Variants in NUP210L observed in about 807,000 individuals in gnomAD.
NUP210L encodes the protein nucleoporin 210 like, also known as nuclear pore membrane glycoprotein 210-like.
A neutral mutation model predicts 208.5 loss-of-function variants in NUP210L; 74 were observed. That is an observed-to-expected ratio of 0.35 (90% CI 0.29 to 0.43). The LOEUF is 0.43. NUP210L is among the 20% of genes least tolerant of loss of function. The pLI, the probability that NUP210L is intolerant of heterozygous loss-of-function variation, is 1.00. For missense variants in NUP210L, 1,843 were observed against 2,289.4 expected, an observed-to-expected ratio of 0.81 and a Z score of 3.98; for synonymous variants, 780 against 816.9, an observed-to-expected ratio of 0.95 and a Z score of 0.77.
chr1:154,051,745 G>A (rs1351220101), intron 25 of NUP210L, among the ~76,000 whole-genome samples: 1 of 152,214 alleles, frequency 6.6e-6, no homozygotes, highest in Non-Finnish European at 1.5e-5. Context: ...ACATGTATGT[G>A]TGGACACCTT....
At chr1:154,132,213 G>A (rs1658298343) in intron 7 of NUP210L, among the ~76,000 whole-genome samples, 1 of 152,066 alleles carries the variant, frequency 6.6e-6, no homozygotes, top group Admixed American at 6.6e-5. Flanking sequence ...TTTTGTCTTT[G>A]GCCAAATTCT....
chr1:154,126,050 G>A (rs1226007444), intron 10 of NUP210L, among the ~76,000 whole-genome samples: 1 of 151,076 alleles, frequency 6.6e-6, no homozygotes, highest in African/African-American at 2.4e-5. Context: ...TTACAGGCGT[G>A]AGCCACCGCG....
At chr1:153,995,589 C>A in intron 37 of NUP210L, 1 of 793,482 alleles carries the variant, frequency 1.3e-6, no homozygotes. Context: ...ATGCTGGTTA[C>A]CACTTCTTCC....
chr1:154,117,694 G>A lies in NUP210L; in HGVS notation c.1620+31C>T, dbSNP rs577773485. 1.5e-5 allele frequency: 23 copies of A among 1,564,814 alleles called. No individual in the cohort carries two copies. The Admixed American group carries it at 1.7e-4, about 12-fold the overall frequency. On this transcript the variant is annotated intron_variant, in intron 12 of 39. Transcript: ENST00000368559. ...TTAAATTTAGACAGTAGTGTTGTAG[G>A]GGTAATAAGAATATCTGGAGAGTCG...
At chr1:154,036,463 C>T (rs948657729) in intron 27 of NUP210L, among the ~76,000 whole-genome samples, 1 of 144,630 alleles carries the variant, frequency 6.9e-6, no homozygotes, top group African/African-American at 2.5e-5. Flanking sequence ...TTCCTGGATT[C>T]AAGCAAGTCT....
chr1:154,003,009 C>CT (rs34229994), intron 35 of NUP210L, among the ~76,000 whole-genome samples: 11,283 of 133,450 alleles, frequency 0.085, 627 homozygotes, highest in East Asian at 0.18. Flanking sequence ...CCTTAGCTGT[C>CT]TTTTTTTTTT....
At chr1:154,022,697 T>A (rs970766330) in intron 31 of NUP210L, among the ~76,000 whole-genome samples, 2 of 149,010 alleles carry the variant, frequency 1.3e-5, no homozygotes, top group African/African-American at 2.5e-5. Flanking sequence ...TTTTTTTTTT[T>A]AAGACAGTCT....
intron 35 of NUP210L, among the ~76,000 whole-genome samples, 179 bp downstream of exon 35, chr1:154,009,792 CA>C (rs373230285): frequency 0.066 from 4,274 of 64,508 alleles, 144 homozygotes; most frequent in African/African-American, 0.2. Flanking sequence ...GACCCAGTCT[CA>C]AAAAAAAAAA....
chr1:154,006,579 C>T (rs1183495798), intron 35 of NUP210L, among the ~76,000 whole-genome samples: 6 of 151,426 alleles, frequency 4.0e-5, no homozygotes, highest in African/African-American at 1.2e-4. Flanking sequence ...CTGCAACCTC[C>T]GCCTCCTGGG....
chr1:154,024,041 G>A (rs769021819), intron 30 of NUP210L, among the ~76,000 whole-genome samples: 23 of 152,002 alleles, frequency 1.5e-4, no homozygotes, highest in Non-Finnish European at 2.6e-4. Flanking sequence ...CACCCGGCTC[G>A]GCCTCCCAAA....
intron 16 of NUP210L, among the ~76,000 whole-genome samples, chr1:154,078,161 A>C (rs532207138): frequency 2.6e-5 from 4 of 151,346 alleles, no homozygotes; most frequent in South Asian, 4.2e-4. Context: ...AAAATTACAA[A>C]AATTAGCTAG....
At chr1:154,141,296 C>T in intron 4 of NUP210L, 135 bp downstream of exon 4, 1 of 638,832 alleles carries the variant, frequency 1.6e-6, no homozygotes, top group South Asian at 1.8e-5. Context: ...ACATTTCTCT[C>T]AGTAATTTAT....
In NUP210L at chr1:154,025,659, G is replaced by T. The variant is rs546868119; in HGVS notation, c.4005C>A (p.Val1335=). 2.5e-6 allele frequency: 4 copies of T among 1,613,942 alleles called. No individual in the cohort carries two copies. The African/African-American group carries it at 5.3e-5, about 22-fold the overall frequency. Residue 1335 remains valine (V), a synonymous_variant, in exon 30 of 40, where the codon GTC becomes GTA. Coordinates refer to ENST00000368559, the Ensembl canonical transcript of NUP210L. ...GGAGCCCTTCACCATCCTCCTCAAT[G>T]ACGGATGAATTAGGGAAACACTTGA... is the stretch of plus-strand genomic sequence containing the variant.
intron 31 of NUP210L, 70 bp downstream of exon 31, chr1:154,023,052 G>T: frequency 7.4e-7 from 1 of 1,349,918 alleles, no homozygotes; most frequent in Non-Finnish European, 1.0e-6. Flanking sequence ...TACTGGAGCT[G>T]CTATATAATA....
At chr1:154,096,358 A>T (rs1656180659) in intron 14 of NUP210L, among the ~76,000 whole-genome samples, 1 of 152,212 alleles carries the variant, frequency 6.6e-6, no homozygotes, top group Admixed American at 6.6e-5. Context: ...ATAAATATTC[A>T]CTTATGAGGA....
intron 16 of NUP210L, among the ~76,000 whole-genome samples, chr1:154,081,856 AC>A (rs1655348185): frequency 6.6e-6 from 1 of 151,994 alleles, no homozygotes; most frequent in South Asian, 2.1e-4. Flanking sequence ...AATGGCACAG[AC>A]CTGTGGTCCC....
intron 35 of NUP210L, among the ~76,000 whole-genome samples, chr1:154,004,245 A>AT (rs1409434890): frequency 6.7e-6 from 1 of 149,842 alleles, no homozygotes; most frequent in African/African-American, 2.5e-5. Context: ...ATTTTTTTGT[A>AT]TTTTTAGTAG....
intron 2 of NUP210L, among the ~76,000 whole-genome samples, chr1:154,151,008 T>C (rs1156915610): frequency 2.6e-5 from 4 of 152,074 alleles, no homozygotes; most frequent in Non-Finnish European, 2.9e-5. Flanking sequence ...ATTGGGAAAG[T>C]TGATTTAAGG....
intron 17 of NUP210L, among the ~76,000 whole-genome samples, chr1:154,070,064 T>C (rs1348862692): frequency 6.6e-6 from 1 of 151,880 alleles, no homozygotes; most frequent in Admixed American, 6.6e-5. Flanking sequence ...GGTGCGGGGA[T>C]GGGGGAGAGA....
Sources: gnomAD v4.1 joint callset for allele counts (sites outside exome capture counted in the v4.1 genomes callset) on GRCh38, gnomAD v4.1.1 for gene constraint, MANE v1.5 for transcripts, NCBI Gene and HGNC (gene_info 2026-07-23, HGNC 2026-07-21) for gene names.